CACNA1E: variants seen among roughly 807,000 people sequenced by gnomAD.
CACNA1E encodes calcium voltage-gated channel subunit alpha1 E, also known as voltage-dependent R-type calcium channel subunit alpha-1E.
A neutral mutation model predicts 259.2 loss-of-function variants in CACNA1E; 40 were observed. That is an observed-to-expected ratio of 0.15 (90% CI 0.12 to 0.20). The LOEUF (loss-of-function observed/expected upper bound fraction) is 0.20, where lower values mean the gene tolerates loss of function less well. Ranked by LOEUF, CACNA1E falls within the 10% of genes least tolerant of loss-of-function variation. The pLI is 1.00. For missense variants in CACNA1E, 1,874 were observed against 3,040.1 expected, an observed-to-expected ratio of 0.62 and a Z score of 9.02; for synonymous variants, 1,104 against 1,138.5, an observed-to-expected ratio of 0.97 and a Z score of 0.61.
chr1:181,454,316 T>C (rs916128888), intron 2 of CACNA1E, among the ~76,000 whole-genome samples: 2 of 152,252 alleles, frequency 1.3e-5, no homozygotes, highest in Non-Finnish European at 2.9e-5. Flanking sequence ...ACAAGACTCT[T>C]AACCTTCTCT....
intron 35 of CACNA1E, among the ~76,000 whole-genome samples, chr1:181,769,162 G>C (rs958206456): frequency 6.6e-6 from 1 of 152,068 alleles, no homozygotes; most frequent in African/African-American, 2.4e-5. Context: ...TCCCTCACCA[G>C]TACAGTGGAG....
intron 2 of CACNA1E, among the ~76,000 whole-genome samples, chr1:181,448,647 T>C (rs933281799): frequency 6.6e-6 from 1 of 152,234 alleles, no homozygotes; most frequent in Non-Finnish European, 1.5e-5. Context: ...AGACCAATTG[T>C]ATATTACCAC....
chr1:181,695,417 A>G (rs189984877), intron 7 of CACNA1E, among the ~76,000 whole-genome samples: 1 of 152,344 alleles, frequency 6.6e-6, no homozygotes, highest in Admixed American at 6.5e-5. Flanking sequence ...TAGAGAACCC[A>G]GAACAATTCT....
intron 6 of CACNA1E, among the ~76,000 whole-genome samples, chr1:181,588,368 C>T (rs1652295129): frequency 1.3e-5 from 2 of 152,244 alleles, no homozygotes; most frequent in South Asian, 4.1e-4. Flanking sequence ...CTAAACCCTA[C>T]AGTGCCTTCT....
At chr1:181,429,511 G>C (rs762924546) in intron 2 of CACNA1E, among the ~76,000 whole-genome samples, 3 of 152,208 alleles carry the variant, frequency 2.0e-5, no homozygotes, top group African/African-American at 4.8e-5. Flanking sequence ...AGAAGTTTCA[G>C]GCAGCAGAGT....
intron 32 of CACNA1E, among the ~76,000 whole-genome samples, chr1:181,759,179 T>C (rs1658354646): frequency 6.7e-6 from 1 of 149,826 alleles, no homozygotes. Context: ...AAGATTGGAC[T>C]AATAAACTTC....
intron 2 of CACNA1E, among the ~76,000 whole-genome samples, chr1:181,477,674 T>C (rs1380463293): frequency 1.3e-5 from 2 of 152,082 alleles, no homozygotes; most frequent in Admixed American, 1.3e-4. Flanking sequence ...CACAACAGAG[T>C]GTGTTCATCC....
chr1:181,675,391 C>G (rs1057481559), intron 7 of CACNA1E, among the ~76,000 whole-genome samples: 1 of 152,040 alleles, frequency 6.6e-6, no homozygotes, highest in Non-Finnish European at 1.5e-5. Context: ...GTGCTAAGAG[C>G]GTGTGAGAAA....
chr1:181,471,622 A>AT (rs1662516192), intron 2 of CACNA1E, among the ~76,000 whole-genome samples: 1 of 152,184 alleles, frequency 6.6e-6, no homozygotes, highest in Non-Finnish European at 1.5e-5. Flanking sequence ...TAAGAAAAAA[A>AT]TGTAATTAAT....
At chr1:181,632,435 G>C (rs1656837169) in intron 6 of CACNA1E, among the ~76,000 whole-genome samples, 1 of 152,194 alleles carries the variant, frequency 6.6e-6, no homozygotes, top group Non-Finnish European at 1.5e-5. Flanking sequence ...GGAGCCTGCT[G>C]CTGGGGATTG....
At chr1:181,767,804 A>C (rs1450739136) in intron 35 of CACNA1E, among the ~76,000 whole-genome samples, 2 of 152,222 alleles carry the variant, frequency 1.3e-5, no homozygotes, top group Non-Finnish European at 2.9e-5. Context: ...AGTGTTGGAA[A>C]TAGAATTCCT....
At chr1:181,586,656 G>T (rs1036418286) in intron 6 of CACNA1E, among the ~76,000 whole-genome samples, 1 of 152,192 alleles carries the variant, frequency 6.6e-6, no homozygotes, top group African/African-American at 2.4e-5. Flanking sequence ...GTTAAAAAAG[G>T]TTATTACTAG....
At chr1:181,654,404 T>TA (rs900655330) in intron 7 of CACNA1E, among the ~76,000 whole-genome samples, 2 of 151,958 alleles carry the variant, frequency 1.3e-5, no homozygotes, top group African/African-American at 2.4e-5. Flanking sequence ...AGGAGTTCTA[T>TA]AAAAAGAACA....
chr1:181,479,265 G>C (rs575753986), upstream of CACNA1E, among the ~76,000 whole-genome samples: 2 of 152,278 alleles, frequency 1.3e-5, no homozygotes, highest in Admixed American at 1.3e-4. Context: ...TCAGAGCCTA[G>C]GAATATCTAA....
Position 181,332,520 on chromosome 1 carries a change from G to T in CACNA1E, c.-15+14397G>T, listed in dbSNP as rs372312866. Among the ~76,000 whole-genome samples the T allele has an allele frequency of 3.6e-4, 55 of 152,256 alleles. No homozygotes were observed. In the South Asian group the frequency reaches 0.011, roughly 30 times the overall value. The stretch of plus-strand genomic sequence containing the variant: ...ATGGGAACTAGCTCCTGATAAGTTT[G>T]CTCTTTTGTTCGGCCTATAAACATA... On this transcript the variant is annotated intron_variant, in intron 1 of 11. Coordinates refer to the CACNA1E transcript ENST00000524607.
exon 1 of CACNA1E, chr1:181,317,764 C>T (rs184341300): frequency 1.3e-5 from 2 of 152,260 alleles, no homozygotes; most frequent in South Asian, 2.1e-4. Context: ...GCTCTCTTCC[C>T]TCCTCCTTTG....
At chr1:181,362,123 A>G (rs1571664461) in intron 1 of CACNA1E, among the ~76,000 whole-genome samples, 1 of 152,310 alleles carries the variant, frequency 6.6e-6, no homozygotes, top group Middle Eastern at 3.4e-3. Flanking sequence ...ATGAACCTTA[A>G]TGGACCTTTT....
At chr1:181,639,309 C>T (rs764604814) in intron 6 of CACNA1E, among the ~76,000 whole-genome samples, 60 of 152,122 alleles carry the variant, frequency 3.9e-4, no homozygotes, top group Non-Finnish European at 6.8e-4. Flanking sequence ...AGGATGGTCT[C>T]GATCTCCTGA....
chr1:181,801,008 A>G lies in CACNA1E; in HGVS notation c.*2174A>G, dbSNP rs1417852950. ...TGGGAATGTGATATACAGCACCCTG[A>G]TCCTAACAGGTGTGATTGTTACGTA... On this transcript the variant is annotated 3_prime_UTR_variant, in exon 48 of 48. Transcript: ENST00000367573. 1 of 152,664 alleles carries G rather than the reference A, an allele frequency of 6.6e-6. No individual in the cohort carries two copies. Among genetic ancestry groups the G allele is most frequent in the Non-Finnish European group, 1.5e-5 (1 of 68,058 alleles). The allele number at this position is 152,664 out of a possible 1,614,324, so 9.5% of individuals were successfully genotyped here.
Sources: allele counts gnomAD v4.1 joint callset (sites outside exome capture counted in the v4.1 genomes callset), GRCh38; gene constraint gnomAD v4.1.1; transcripts MANE v1.5; gene names NCBI Gene and HGNC (gene_info 2026-07-23, HGNC 2026-07-21).